The following TULP4 variants were observed in gnomAD, a reference collection of about 807,000 sequenced individuals.
The protein encoded by TULP4 is TUB like protein 4.
A neutral mutation model predicts 129.0 loss-of-function variants in TULP4; 16 were observed. That is an observed-to-expected ratio of 0.12 (90% confidence interval 0.08 to 0.19). TULP4 has a LOEUF of 0.19. Ranked by LOEUF, TULP4 falls within the 10% of genes least tolerant of loss-of-function variation. The pLI, the probability that TULP4 is intolerant of heterozygous loss-of-function variation, is 1.00. For synonymous variants in TULP4, 998 were observed against 854.0 expected, an observed-to-expected ratio of 1.17 and a Z score of -2.94; for missense variants, 1,842 against 2,059.1, an observed-to-expected ratio of 0.89 and a Z score of 2.04.
chr6:158,311,535 C>T (rs140232702), upstream of TULP4, among the ~76,000 whole-genome samples: 224 of 152,276 alleles, frequency 1.5e-3, 1 homozygote, highest in African/African-American at 2.2e-3. Flanking sequence ...AAAACAGCTG[C>T]GCTTTGCTCC....
intron 1 of TULP4, among the ~76,000 whole-genome samples, chr6:158,403,462 C>T (rs1041669157): frequency 2.6e-5 from 4 of 152,154 alleles, no homozygotes; most frequent in African/African-American, 9.7e-5. Context: ...GCCTTAGCGT[C>T]CCGAGTAGCT....
chr6:158,441,471 T>G (rs1023597719), intron 3 of TULP4, among the ~76,000 whole-genome samples: 1 of 152,200 alleles, frequency 6.6e-6, no homozygotes, highest in Non-Finnish European at 1.5e-5. Flanking sequence ...TGGCCTTGGT[T>G]TTGACACAGG....
intron 1 of TULP4, among the ~76,000 whole-genome samples, chr6:158,295,652 G>A (rs1289388327): frequency 1.3e-5 from 2 of 152,132 alleles, no homozygotes; most frequent in Non-Finnish European, 2.9e-5. Context: ...CACTTTGGGA[G>A]GCCAAGGTGG....
At chr6:158,287,734 A>G (rs1047776902) in intron 1 of TULP4, among the ~76,000 whole-genome samples, 33 of 152,340 alleles carry the variant, frequency 2.2e-4, no homozygotes, top group East Asian at 7.7e-4. Flanking sequence ...TTGTACTTGG[A>G]TGGATTAGCT....
chr6:158,328,079 GGTGTGTGTGTGTGTGTGTGTGTGT>G (rs766393090), intron 1 of TULP4, among the ~76,000 whole-genome samples: 1 of 120,518 alleles, frequency 8.3e-6, no homozygotes, highest in Non-Finnish European at 1.7e-5. Flanking sequence ...TCTCAGAGCT[GGTGTGTGTGTGTGTGTGTGTGTGT>G]GTGTGTGTGT....
intron 1 of TULP4, among the ~76,000 whole-genome samples, chr6:158,368,851 AT>A (rs1286361087): frequency 6.6e-6 from 1 of 152,182 alleles, no homozygotes; most frequent in Non-Finnish European, 1.5e-5. Flanking sequence ...GAAATTTAAC[AT>A]TTTTAATCTT....
At chr6:158,314,899 T>G (rs925143253) in intron 1 of TULP4, among the ~76,000 whole-genome samples, 1 of 152,224 alleles carries the variant, frequency 6.6e-6, no homozygotes, top group African/African-American at 2.4e-5. Flanking sequence ...ATATAAGCAG[T>G]GGGATTATGA....
chr6:158,360,360 A>G (rs1583793601), intron 1 of TULP4, among the ~76,000 whole-genome samples: 1 of 151,916 alleles, frequency 6.6e-6, no homozygotes, highest in Admixed American at 6.6e-5. Context: ...GAACTGATAG[A>G]CCCTTAACTC....
At position 158,313,563 on chromosome 6, in the gene TULP4, C is replaced by A; in HGVS notation, c.-454C>A. Reference sequence around the variant, plus strand: ...ATTCGAGCTAGAGGGATTCTTAAAGCCTTAAGTTACTTGAAATCTATGTAT... The same window carrying A: ...ATTCGAGCTAGAGGGATTCTTAAAGACTTAAGTTACTTGAAATCTATGTAT... On this transcript the variant is annotated 5_prime_UTR_variant, in exon 1 of 14. Coordinates refer to ENST00000367097, the MANE Select transcript of TULP4 (RefSeq NM_020245.5). 2.5e-6 allele frequency: 1 copy of A among 406,512 alleles called. No individual in the cohort carries two copies. Among genetic ancestry groups the A allele is most frequent in the Non-Finnish European group, 4.3e-6 (1 of 230,926 alleles). The allele number at this position is 406,512 out of a possible 1,614,324, so 25.2% of individuals were successfully genotyped here.
intron 8 of TULP4, 39 bp from the exon 9 acceptor site, chr6:158,489,549 A>G (rs751444041): frequency 8.1e-6 from 13 of 1,612,942 alleles, no homozygotes; most frequent in Non-Finnish European, 1.1e-5. Flanking sequence ...GCTAATTGAT[A>G]TAACTTCCCT....
rs545817346 is a variant in TULP4 at position 158,443,369 on chromosome 6, G to A, written c.544-5627G>A. ...TGACCTCAAATGATCTGCCCGTCTTGGCCTCCCAAAGTCCTGGGATTACAG... is the reference window on the plus strand; with the variant it reads ...TGACCTCAAATGATCTGCCCGTCTTAGCCTCCCAAAGTCCTGGGATTACAG... On this transcript the variant is annotated intron_variant, in intron 3 of 13. Coordinates refer to ENST00000367097, the MANE Select transcript of TULP4 (RefSeq NM_020245.5). Among the ~76,000 whole-genome samples the A allele has an allele frequency of 4.6e-4, 70 of 152,060 alleles. 1 individual carries two copies. The highest frequency in any genetic ancestry group is 7.8e-4 in the Non-Finnish European group (53 of 67,948).
intron 1 of TULP4, among the ~76,000 whole-genome samples, chr6:158,289,198 A>G (rs862411): frequency 0.13 from 20,228 of 152,116 alleles, 1,703 homozygotes; most frequent in African/African-American, 0.23. Flanking sequence ...TAATTTTATA[A>G]CATTAAGTTG....
intron 1 of TULP4, among the ~76,000 whole-genome samples, chr6:158,402,895 T>G (rs1324300540): frequency 3.9e-5 from 6 of 151,984 alleles, no homozygotes; most frequent in East Asian, 1.9e-4. Flanking sequence ...GGAGTTTTTT[T>G]TTTTTTTTTT....
intron 1 of TULP4, among the ~76,000 whole-genome samples, chr6:158,403,213 G>A (rs920336917): frequency 6.6e-6 from 1 of 152,184 alleles, no homozygotes; most frequent in Non-Finnish European, 1.5e-5. Context: ...CTGCTTGAAA[G>A]CAGGTGAGGA....
chr6:158,332,777 A>G (rs1016204837), intron 1 of TULP4, among the ~76,000 whole-genome samples: 1 of 152,142 alleles, frequency 6.6e-6, no homozygotes, highest in Non-Finnish European at 1.5e-5. Context: ...AGTTTCAGGA[A>G]CTATTTTCAT....
chr6:158,284,855 G>A (rs827856), intron 1 of TULP4, among the ~76,000 whole-genome samples: 46,644 of 152,072 alleles, frequency 0.31, 7,442 homozygotes, highest in Middle Eastern at 0.38. Flanking sequence ...TGTGAGCCTC[G>A]GTTTCCTTGC....
intron 3 of TULP4, among the ~76,000 whole-genome samples, chr6:158,441,405 G>A (rs778282615): frequency 2.0e-5 from 3 of 152,146 alleles, no homozygotes; most frequent in Non-Finnish European, 4.4e-5. Flanking sequence ...TCAGTTTTTT[G>A]TTAATGCAAC....
intron 1 of TULP4, among the ~76,000 whole-genome samples, chr6:158,373,500 C>G (rs530881587): frequency 6.6e-6 from 1 of 152,296 alleles, no homozygotes; most frequent in East Asian, 1.9e-4. Context: ...TCGTGGATGG[C>G]TTTGCACTTG....
At chr6:158,423,865 C>T (rs986759309) in intron 2 of TULP4, among the ~76,000 whole-genome samples, 3 of 152,064 alleles carry the variant, frequency 2.0e-5, no homozygotes, top group African/African-American at 7.2e-5. Context: ...TGGTCTCGAT[C>T]TCCTGACCTC....
Sources: allele counts gnomAD v4.1 joint callset (sites outside exome capture counted in the v4.1 genomes callset), GRCh38; gene constraint gnomAD v4.1.1; transcripts MANE v1.5; gene names NCBI Gene and HGNC (gene_info 2026-07-23, HGNC 2026-07-21).